Variants in RGS7 observed in about 807,000 individuals in gnomAD.
The protein encoded by RGS7 is regulator of G protein signaling 7, also known as regulator of G-protein signaling 7.
RGS7 carries 27 observed loss-of-function variants against 81.1 expected under a neutral mutation model. The ratio of observed to expected loss-of-function variants is 0.33; its 90% CI spans 0.25 to 0.46. RGS7 has a LOEUF of 0.46. Among genes scored for constraint, RGS7 ranks in the 20% least tolerant of loss-of-function variants. The probability of loss-of-function intolerance (pLI) is 1.00; values close to 1 mark genes in which losing one functional copy is unlikely to be tolerated. For synonymous variants in RGS7, 208 were observed against 207.7 expected, an observed-to-expected ratio of 1.00 and a Z score of -0.01; for missense variants, 396 against 607.4, an observed-to-expected ratio of 0.65 and a Z score of 3.66.
At chr1:240,976,049 C>T (rs1028085644) in intron 4 of RGS7, among the ~76,000 whole-genome samples, 13 of 152,198 alleles carry the variant, frequency 8.5e-5, no homozygotes, top group Non-Finnish European at 4.4e-5. Flanking sequence ...TGTAAGAAGC[C>T]AGTGCTAGAG....
At chr1:240,805,169 G>A (rs985401502) in intron 15 of RGS7, among the ~76,000 whole-genome samples, 1 of 151,858 alleles carries the variant, frequency 6.6e-6, no homozygotes, top group African/African-American at 2.4e-5. Flanking sequence ...GAGCCCAGGA[G>A]TTGGAGACCA....
At chr1:240,857,842 G>C (rs1019003794) in intron 9 of RGS7, among the ~76,000 whole-genome samples, 29 of 151,984 alleles carry the variant, frequency 1.9e-4, no homozygotes, top group Non-Finnish European at 3.5e-4. Flanking sequence ...TTGAATCATG[G>C]GGGTGGTTAC....
intron 9 of RGS7, among the ~76,000 whole-genome samples, chr1:240,844,495 C>T (rs1328960749): frequency 6.6e-6 from 1 of 152,168 alleles, no homozygotes; most frequent in Non-Finnish European, 1.5e-5. Flanking sequence ...CGCCAATCCA[C>T]AAGGGATAAA....
chr1:241,132,757 G>A (rs1156679008), intron 2 of RGS7, among the ~76,000 whole-genome samples: 2 of 152,034 alleles, frequency 1.3e-5, no homozygotes, highest in African/African-American at 2.4e-5. Context: ...TTGTTTGTTT[G>A]TTTGTTTGTT....
intron 4 of RGS7, among the ~76,000 whole-genome samples, chr1:240,982,349 G>C (rs1685036040): frequency 1.4e-5 from 2 of 148,102 alleles, no homozygotes; most frequent in Admixed American, 1.4e-4. Context: ...TTGAACCTAG[G>C]AGGCAGAGGT....
chr1:240,797,266 C>A (rs1177428578), intron 18 of RGS7, among the ~76,000 whole-genome samples: 1 of 152,188 alleles, frequency 6.6e-6, no homozygotes, highest in Admixed American at 6.5e-5. Context: ...AGTCATCCTA[C>A]CCTGTTTTTC....
chr1:241,023,288 T>C (rs1315119315), intron 3 of RGS7, among the ~76,000 whole-genome samples: 1 of 152,216 alleles, frequency 6.6e-6, no homozygotes, highest in Non-Finnish European at 1.5e-5. Context: ...TTTAGAGCGC[T>C]TACTTTAGAA....
chr1:241,241,001 G>C (rs995059013), intron 2 of RGS7, among the ~76,000 whole-genome samples: 1 of 151,946 alleles, frequency 6.6e-6, no homozygotes, highest in Non-Finnish European at 1.5e-5. Context: ...TGCTCTCCTC[G>C]GCAGGCCAGA....
At chr1:240,799,349 G>GT (rs1379604683) in intron 18 of RGS7, among the ~76,000 whole-genome samples, 1 of 80,468 alleles carries the variant, frequency 1.2e-5, no homozygotes, top group Admixed American at 1.1e-4. Flanking sequence ...AGTAATTCCA[G>GT]TTGTTTTTTT....
chr1:241,175,543 G>A (rs1386460265), intron 2 of RGS7, among the ~76,000 whole-genome samples: 1 of 152,164 alleles, frequency 6.6e-6, no homozygotes, highest in East Asian at 1.9e-4. Flanking sequence ...AAGATGCTTG[G>A]AGACTAGGAA....
intron 4 of RGS7, among the ~76,000 whole-genome samples, chr1:240,950,988 C>G (rs1296571743): frequency 6.6e-6 from 1 of 151,346 alleles, no homozygotes; most frequent in Non-Finnish European, 1.5e-5. Flanking sequence ...GTAGTGTGAT[C>G]ATGGCTCATT....
chr1:241,311,176 CCTTTTG>C (rs2080504795), intron 2 of RGS7, among the ~76,000 whole-genome samples: 1 of 152,122 alleles, frequency 6.6e-6, no homozygotes, highest in African/African-American at 2.4e-5. Context: ...TTTGTTAGCA[CCTTTTG>C]AAAACACAAT....
At chr1:241,269,090 CTT>C (rs1269108314) in intron 2 of RGS7, among the ~76,000 whole-genome samples, 1 of 152,224 alleles carries the variant, frequency 6.6e-6, no homozygotes, top group Non-Finnish European at 1.5e-5. Flanking sequence ...ATATTGATCA[CTT>C]ATATCATTTT....
At chr1:241,265,241 C>G (rs2077524835) in intron 2 of RGS7, among the ~76,000 whole-genome samples, 1 of 152,238 alleles carries the variant, frequency 6.6e-6, no homozygotes, top group East Asian at 1.9e-4. Context: ...TCAATGTTAT[C>G]TGTCCAGCGG....
At position 241,207,248 on chromosome 1, in the gene RGS7, T is replaced by TTCTCTC. The variant is rs149671121; in HGVS notation, c.79-108492_79-108487dup. On this transcript the variant is annotated intron_variant, in intron 2 of 18. Transcript: ENST00000440928. ...TCCCAAAGTCTCTTTGTTTCTTTCT[T>TTCTCTC]TCTCTCTCTCTCTTTCTTTCCCCTT... Among the ~76,000 whole-genome samples the TTCTCTC allele has an allele frequency of 7.1e-4, 107 of 149,904 alleles. 1 individual carries two copies. The highest frequency in any genetic ancestry group is 6.9e-3 in the Middle Eastern group (2 of 288).
At chr1:240,798,925 T>A (rs1687534701) in intron 18 of RGS7, among the ~76,000 whole-genome samples, 1 of 152,156 alleles carries the variant, frequency 6.6e-6, no homozygotes, top group South Asian at 2.1e-4. Context: ...TTTACATAAA[T>A]TCCATCTTTA....
At chr1:241,153,715 C>T (rs1314965611) in intron 2 of RGS7, among the ~76,000 whole-genome samples, 1 of 152,216 alleles carries the variant, frequency 6.6e-6, no homozygotes, top group Admixed American at 6.5e-5. Context: ...ACCTGATCTC[C>T]TTGGCCTTAC....
chr1:241,026,695 C>A (rs1263910466), intron 3 of RGS7, among the ~76,000 whole-genome samples: 3 of 152,022 alleles, frequency 2.0e-5, no homozygotes, highest in Admixed American at 2.0e-4. Flanking sequence ...GGGGTACTTA[C>A]ATTACAGTAA....
At chr1:241,306,249 A>G (rs1033449059) in intron 2 of RGS7, among the ~76,000 whole-genome samples, 19 of 151,008 alleles carry the variant, frequency 1.3e-4, no homozygotes, top group African/African-American at 4.4e-4. Flanking sequence ...TCACACACAT[A>G]AGCACACATG....
Sources: allele counts gnomAD v4.1 joint callset (sites outside exome capture counted in the v4.1 genomes callset), GRCh38; gene constraint gnomAD v4.1.1; transcripts MANE v1.5; gene names NCBI Gene and HGNC (gene_info 2026-07-23, HGNC 2026-07-21).